Variants in CENPP observed in about 807,000 individuals in gnomAD.
The protein encoded by CENPP is centromere protein P.
CENPP carries 24 observed loss-of-function variants against 35.6 expected under a neutral mutation model. That is an observed-to-expected ratio of 0.67 (90% CI 0.49 to 0.95). CENPP has a LOEUF of 0.95. Ranked by LOEUF, CENPP falls within the 40% of genes least tolerant of loss-of-function variation. The probability of loss-of-function intolerance (pLI) is 0.00; values close to 1 mark genes in which losing one functional copy is unlikely to be tolerated. For missense variants in CENPP, 332 were observed against 345.3 expected (o/e 0.96, Z 0.31); for synonymous variants, 120 against 125.5 (o/e 0.96, Z 0.29).
intron 5 of CENPP, among the ~76,000 whole-genome samples, chr9:92,535,772 A>G (rs932552687): frequency 6.6e-6 from 1 of 152,208 alleles, no homozygotes; most frequent in Non-Finnish European, 1.5e-5. Context: ...TGGGAAGTAC[A>G]TCGTGAAAAA....
At chr9:92,498,158 T>C (rs1007801830) in intron 5 of CENPP, among the ~76,000 whole-genome samples, 3 of 152,216 alleles carry the variant, frequency 2.0e-5, no homozygotes, top group African/African-American at 7.2e-5. Context: ...TTTTGTGTAA[T>C]AATTTGTATA....
intron 5 of CENPP, among the ~76,000 whole-genome samples, chr9:92,422,971 A>G (rs1249243910): frequency 6.6e-6 from 1 of 152,200 alleles, no homozygotes; most frequent in African/African-American, 2.4e-5. Context: ...ATCTTTTAAC[A>G]GAATCTAATA....
intron 5 of CENPP, among the ~76,000 whole-genome samples, chr9:92,550,982 C>A (rs1185642564): frequency 6.6e-6 from 1 of 152,144 alleles, no homozygotes; most frequent in African/African-American, 2.4e-5. Flanking sequence ...CTTGCACTAG[C>A]AGTGTGGTCT....
intron 5 of CENPP, chr9:92,500,892 G>T: frequency 6.2e-7 from 1 of 1,614,162 alleles, no homozygotes; most frequent in African/African-American, 1.3e-5. Context: ...TTTGTTAAAT[G>T]ACAGGTACAA....
chr9:92,551,709 T>C (rs967740400), intron 5 of CENPP, among the ~76,000 whole-genome samples: 3 of 151,818 alleles, frequency 2.0e-5, no homozygotes, highest in Non-Finnish European at 2.9e-5. Flanking sequence ...AAGTCCATTG[T>C]ATCATTCTTA....
At chr9:92,600,223 C>G in intron 5 of CENPP, 1 of 1,269,894 alleles carries the variant, frequency 7.9e-7, no homozygotes, top group South Asian at 2.0e-5. Context: ...CATACAAGAA[C>G]AGAAGGGCGT....
intron 5 of CENPP, among the ~76,000 whole-genome samples, chr9:92,397,840 G>A (rs1017254146): frequency 6.6e-6 from 1 of 152,140 alleles, no homozygotes; most frequent in Non-Finnish European, 1.5e-5. Flanking sequence ...ACATGCATAT[G>A]TATACCATAT....
chr9:92,330,749 C>T (rs535288609), intron 1 of CENPP, among the ~76,000 whole-genome samples: 3 of 138,564 alleles, frequency 2.2e-5, no homozygotes, highest in East Asian at 4.1e-4. Flanking sequence ...AATACAGTGG[C>T]GTGATCTTGG....
chr9:92,619,620 A>C lies in CENPP; in HGVS notation c.*6471A>C, dbSNP rs974702638. 1.6e-5 allele frequency: 23 copies of C among 1,449,180 alleles called. No individual in the cohort carries two copies. In the Admixed American group the frequency reaches 2.4e-4, roughly 15 times the overall value. 89.8% of individuals were successfully genotyped at this position (1,449,180 alleles called of 1,614,324 possible). A position where few individuals can be genotyped will look rare whatever the true frequency, so the allele number is the denominator to read the frequency against. On this transcript the variant is annotated 3_prime_UTR_variant, in exon 8 of 8. Transcript: ENST00000375587. ...TCACACAGGAAGCCTCTGCCCCCCC[A>C]CACAACCTTCCTTCCCAGTAGCCAA...
chr9:92,529,256 A>T (rs1588238343), intron 5 of CENPP, among the ~76,000 whole-genome samples: 1 of 152,224 alleles, frequency 6.6e-6, no homozygotes, highest in East Asian at 1.9e-4. Flanking sequence ...TTAAAATGAG[A>T]TGCCTCTACA....
intron 5 of CENPP, among the ~76,000 whole-genome samples, chr9:92,586,029 G>A (rs1184476138): frequency 6.6e-6 from 1 of 151,968 alleles, no homozygotes; most frequent in Non-Finnish European, 1.5e-5. Flanking sequence ...CTGGGAAGTG[G>A]TAGCATCTGT....
chr9:92,382,892 CTTTTTTTTTTTT>C (rs1213731251), intron 5 of CENPP, among the ~76,000 whole-genome samples: 1 of 69,812 alleles, frequency 1.4e-5, no homozygotes, highest in Non-Finnish European at 2.7e-5. Flanking sequence ...CACTGTTTTC[CTTTTTTTTTTTT>C]TTTTTTTTTT....
At chr9:92,436,181 G>A (rs139007514) in intron 5 of CENPP, among the ~76,000 whole-genome samples, 63 of 152,226 alleles carry the variant, frequency 4.1e-4, no homozygotes, top group African/African-American at 1.3e-3. Context: ...ATCTTTTCAT[G>A]TGCTTATTTG....
chr9:92,373,431 A>G (rs1842054161), intron 4 of CENPP, among the ~76,000 whole-genome samples: 1 of 152,178 alleles, frequency 6.6e-6, no homozygotes, highest in South Asian at 2.1e-4. Context: ...TTCTTTTAAA[A>G]ATACCAATCT....
rs375462618 is a variant in CENPP, at chr9:92,611,365, A to G, written c.616A>G (p.Met206Val). ...YLSEGPSSCS[M>V]GIRSASRPGF... ...CTCGGAGGGGCCCTCCTCCTGCTCC[A>G]TGGGGATCCGCAGCGCCAGCCGGCC... is the stretch of plus-strand genomic sequence containing the variant. Residue 206 changes from methionine to valine, a missense_variant, in exon 6 of 8, where the codon ATG becomes GTG. Met to Val is a conservative substitution (Grantham distance 21). Transcript: ENST00000375587. 3.1e-6 allele frequency: 5 copies of G among 1,613,262 alleles called. No individual in the cohort carries two copies. In the African/African-American group the frequency reaches 6.7e-5, roughly 22 times the overall value.
chr9:92,407,052 A>AG (rs1240079409), intron 5 of CENPP, among the ~76,000 whole-genome samples: 1 of 152,228 alleles, frequency 6.6e-6, no homozygotes, highest in Admixed American at 6.5e-5. Context: ...GGAGATGCGT[A>AG]GGGGCAGTGT....
At chr9:92,429,255 C>G (rs979990632) in intron 5 of CENPP, among the ~76,000 whole-genome samples, 1 of 152,150 alleles carries the variant, frequency 6.6e-6, no homozygotes, top group Non-Finnish European at 1.5e-5. Flanking sequence ...GGCCTCTGTA[C>G]CAATTCAGGG....
intron 5 of CENPP, among the ~76,000 whole-genome samples, chr9:92,533,985 G>A (rs1849016777): frequency 6.6e-6 from 1 of 152,028 alleles, no homozygotes; most frequent in East Asian, 1.9e-4. Flanking sequence ...AGAATGGAAT[G>A]TACCTTGGTA....
chr9:92,535,028 CA>C (rs1849080616), intron 5 of CENPP, among the ~76,000 whole-genome samples: 1 of 152,098 alleles, frequency 6.6e-6, no homozygotes, highest in South Asian at 2.1e-4. Flanking sequence ...GTGAATGTGC[CA>C]GCTGTGGCCA....
Sources: gnomAD v4.1 joint callset for allele counts (sites outside exome capture counted in the v4.1 genomes callset) on GRCh38, gnomAD v4.1.1 for gene constraint, MANE v1.5 for transcripts, NCBI Gene and HGNC (gene_info 2026-07-23, HGNC 2026-07-21) for gene names.